The following CRPPA variants were observed in gnomAD, a reference collection of about 807,000 sequenced individuals.
CRPPA encodes the protein CDP-L-ribitol pyrophosphorylase A.
CRPPA carries 43 observed loss-of-function variants against 52.0 expected under a neutral mutation model. That is an observed-to-expected ratio of 0.83 (90% CI 0.65 to 1.07). The LOEUF is 1.07. Among genes scored for constraint, CRPPA ranks in the 50% least tolerant of loss-of-function variants. The pLI is 0.00. For synonymous variants in CRPPA, 250 were observed against 203.5 expected, an observed-to-expected ratio of 1.23 and a Z score of -1.94; for missense variants, 629 against 551.7, an observed-to-expected ratio of 1.14 and a Z score of -1.40.
chr7:16,331,188 GA>G (rs1341084283), intron 3 of CRPPA, among the ~76,000 whole-genome samples: 4 of 151,998 alleles, frequency 2.6e-5, no homozygotes, highest in Non-Finnish European at 5.9e-5. Flanking sequence ...TTTTAGTAGA[GA>G]GGGGTTTCAC....
At chr7:16,417,182 T>C (rs373766875) in intron 1 of CRPPA, among the ~76,000 whole-genome samples, 24 of 152,180 alleles carry the variant, frequency 1.6e-4, no homozygotes, top group Non-Finnish European at 3.1e-4. Flanking sequence ...GGAACACTTA[T>C]ACACTGTTAC....
chr7:16,226,540 A>G (rs1782656039), intron 8 of CRPPA, among the ~76,000 whole-genome samples: 1 of 151,926 alleles, frequency 6.6e-6, no homozygotes, highest in Admixed American at 6.6e-5. Context: ...ACTTGAGTAG[A>G]CATTAGCCAT....
At chr7:16,345,219 T>C (rs903355362) in intron 3 of CRPPA, among the ~76,000 whole-genome samples, 2 of 152,140 alleles carry the variant, frequency 1.3e-5, no homozygotes, top group African/African-American at 4.8e-5. Context: ...AGCTAAAAGA[T>C]AAAAGACTGT....
intron 6 of CRPPA, chr7:16,262,105 T>G (rs1481832833): frequency 1.3e-5 from 2 of 152,190 alleles, no homozygotes; most frequent in African/African-American, 4.8e-5. Context: ...CAGTAAGTTT[T>G]ATTACGAATT....
At chr7:16,353,455 A>G (rs1409302605) in intron 3 of CRPPA, among the ~76,000 whole-genome samples, 1 of 152,198 alleles carries the variant, frequency 6.6e-6, no homozygotes, top group Non-Finnish European at 1.5e-5. Flanking sequence ...CAAAGGGTAT[A>G]AAGTTTGCTA....
At chr7:16,286,043 A>ATATATATATATAT (rs1207582924) in intron 5 of CRPPA, among the ~76,000 whole-genome samples, 1 of 6,468 alleles carries the variant, frequency 1.5e-4, no homozygotes, top group African/African-American at 1.5e-3. Context: ...AAAAAAATAT[A>ATATATATATATAT]AATATATATA....
At chr7:16,139,486 T>G (rs1332455443) in intron 9 of CRPPA, among the ~76,000 whole-genome samples, 1 of 152,182 alleles carries the variant, frequency 6.6e-6, no homozygotes, top group Non-Finnish European at 1.5e-5. Flanking sequence ...AAACTTTATA[T>G]AATGAGTTTT....
intron 3 of CRPPA, among the ~76,000 whole-genome samples, chr7:16,349,885 G>A (rs1786102586): frequency 6.6e-6 from 1 of 151,952 alleles, no homozygotes; most frequent in East Asian, 1.9e-4. Flanking sequence ...AAAGGAGATA[G>A]AAATCCAGAT....
intron 5 of CRPPA, among the ~76,000 whole-genome samples, chr7:16,280,004 G>A (rs961038993): frequency 1.1e-4 from 16 of 152,320 alleles, no homozygotes; most frequent in Non-Finnish European, 1.6e-4. Flanking sequence ...ATGCAGGGAA[G>A]AGAAGAGAGC....
chr7:16,389,484 G>A (rs967400735), intron 2 of CRPPA, among the ~76,000 whole-genome samples: 2 of 152,082 alleles, frequency 1.3e-5, no homozygotes, highest in African/African-American at 4.8e-5. Context: ...AATAAACCAT[G>A]TTAATAGAAT....
At chr7:16,242,956 T>C (rs1425476248) in intron 8 of CRPPA, among the ~76,000 whole-genome samples, 3 of 152,346 alleles carry the variant, frequency 2.0e-5, no homozygotes, top group African/African-American at 7.2e-5. Context: ...GGCCACTTAA[T>C]GCTGAAATCT....
intron 9 of CRPPA, among the ~76,000 whole-genome samples, chr7:16,206,707 C>G (rs1781981261): frequency 6.6e-6 from 1 of 151,974 alleles, no homozygotes; most frequent in Admixed American, 6.6e-5. Context: ...TAGAATGATA[C>G]AGTGATTACA....
At chr7:16,257,818 C>T (rs367800817) in intron 8 of CRPPA, among the ~76,000 whole-genome samples, 2 of 152,140 alleles carry the variant, frequency 1.3e-5, no homozygotes, top group East Asian at 3.9e-4. Context: ...CTGATAGTCC[C>T]CTCTGCTATA....
chr7:16,150,673 T>C (rs1783060405), intron 9 of CRPPA, among the ~76,000 whole-genome samples: 1 of 152,088 alleles, frequency 6.6e-6, no homozygotes, highest in Admixed American at 6.6e-5. Flanking sequence ...TATAAGAAAA[T>C]ATGAAAGATG....
chr7:16,416,363 T>C (rs1378064645), intron 1 of CRPPA, among the ~76,000 whole-genome samples: 1 of 152,038 alleles, frequency 6.6e-6, no homozygotes, highest in Non-Finnish European at 1.5e-5. Flanking sequence ...TACACAAAAA[T>C]TAACTCAAGA....
intron 9 of CRPPA, among the ~76,000 whole-genome samples, chr7:16,149,362 A>G (rs1009582635): frequency 3.9e-5 from 6 of 152,336 alleles, no homozygotes; most frequent in Admixed American, 3.9e-4. Flanking sequence ...ACTGCATGGA[A>G]AGACAGACCA....
At chr7:16,160,059 G>C (rs569685718) in intron 9 of CRPPA, among the ~76,000 whole-genome samples, 1 of 152,062 alleles carries the variant, frequency 6.6e-6, no homozygotes, top group Non-Finnish European at 1.5e-5. Context: ...GTAGATTCTG[G>C]ATATTAGCGC....
At chr7:16,409,262 T>C (rs1788025275) in intron 1 of CRPPA, among the ~76,000 whole-genome samples, 1 of 150,816 alleles carries the variant, frequency 6.6e-6, no homozygotes, top group Non-Finnish European at 1.5e-5. Context: ...CCAGAAGGAA[T>C]GCAGTTTTGC....
At chr7:16,135,285 C>G (rs1479373437) in intron 9 of CRPPA, among the ~76,000 whole-genome samples, 1 of 152,136 alleles carries the variant, frequency 6.6e-6, no homozygotes, top group Non-Finnish European at 1.5e-5. Context: ...AAAATGTTAA[C>G]ATATACCTTT....
Sources: gnomAD v4.1 joint callset for allele counts (sites outside exome capture counted in the v4.1 genomes callset) on GRCh38, gnomAD v4.1.1 for gene constraint, MANE v1.5 for transcripts, NCBI Gene and HGNC (gene_info 2026-07-23, HGNC 2026-07-21) for gene names.